The following NRXN1 variants were observed in gnomAD, a reference collection of about 807,000 sequenced individuals.
The protein encoded by NRXN1 is neurexin-1.
In NRXN1, 39 loss-of-function variants were observed where a neutral mutation model predicts 150.9. That is an observed-to-expected ratio of 0.26 (90% confidence interval 0.20 to 0.34). The LOEUF (loss-of-function observed/expected upper bound fraction) is 0.34. NRXN1 is among the 10% of genes least tolerant of loss of function. The pLI is 1.00. For synonymous variants in NRXN1, 924 were observed against 757.0 expected, an observed-to-expected ratio of 1.22 and a Z score of -3.62; for missense variants, 1,815 against 1,949.9, an observed-to-expected ratio of 0.93 and a Z score of 1.30.
intron 17 of NRXN1, among the ~76,000 whole-genome samples, chr2:50,449,388 G>A (rs1463615094): frequency 6.6e-6 from 1 of 152,190 alleles, no homozygotes; most frequent in Non-Finnish European, 1.5e-5. Context: ...CTTTCTAAGA[G>A]AAGTCTTCCC....
chr2:50,975,533 C>A (rs935118655), intron 2 of NRXN1, among the ~76,000 whole-genome samples: 1 of 152,060 alleles, frequency 6.6e-6, no homozygotes, highest in African/African-American at 2.4e-5. Context: ...TACTAGGAAA[C>A]TCCATCTAAG....
At chr2:50,733,085 C>G (rs959687114) in intron 5 of NRXN1, among the ~76,000 whole-genome samples, 3 of 152,086 alleles carry the variant, frequency 2.0e-5, no homozygotes, top group African/African-American at 7.2e-5. Flanking sequence ...ACTGAAATAT[C>G]TAATGAGGAA....
chr2:50,345,025 A>G (rs749778729), intron 17 of NRXN1, among the ~76,000 whole-genome samples: 1 of 152,220 alleles, frequency 6.6e-6, no homozygotes, highest in Non-Finnish European at 1.5e-5. Flanking sequence ...AGGGAACAAC[A>G]AGCTCCTAGA....
At chr2:50,408,003 A>G (rs1016734640) in intron 17 of NRXN1, among the ~76,000 whole-genome samples, 1 of 152,190 alleles carries the variant, frequency 6.6e-6, no homozygotes, top group Non-Finnish European at 1.5e-5. Context: ...CTAAATGTTA[A>G]ATAATGACAA....
At chr2:50,189,244 T>C (rs1392758512) in intron 18 of NRXN1, among the ~76,000 whole-genome samples, 1 of 152,148 alleles carries the variant, frequency 6.6e-6, no homozygotes, top group Non-Finnish European at 1.5e-5. Flanking sequence ...GAAACCATCA[T>C]TCTCAGGAAA....
chr2:50,577,728 A>G (rs1671651968), intron 8 of NRXN1, among the ~76,000 whole-genome samples: 1 of 151,984 alleles, frequency 6.6e-6, no homozygotes, highest in African/African-American at 2.4e-5. Flanking sequence ...ACACACACAC[A>G]CACACACACA....
intron 17 of NRXN1, 21 bp downstream of exon 17, chr2:50,465,421 C>T (rs1243910374): frequency 1.3e-6 from 2 of 1,595,034 alleles, no homozygotes; most frequent in Admixed American, 1.7e-5. Context: ...AGTATCAGTC[C>T]ATACTCAGAG....
At chr2:50,587,074 CCT>C (rs1455741855) in intron 8 of NRXN1, among the ~76,000 whole-genome samples, 1 of 152,282 alleles carries the variant, frequency 6.6e-6, no homozygotes, top group Non-Finnish European at 1.5e-5. Flanking sequence ...TACCCAGCTC[CCT>C]GACCTTGGGC....
intron 22 of NRXN1, among the ~76,000 whole-genome samples, chr2:49,924,546 A>G (rs927145677): frequency 6.6e-6 from 1 of 152,222 alleles, no homozygotes; most frequent in African/African-American, 2.4e-5. Flanking sequence ...TTGTGTTAAA[A>G]TAAGAATGAG....
At chr2:50,208,025 A>T (rs904245350) in intron 18 of NRXN1, among the ~76,000 whole-genome samples, 2 of 152,068 alleles carry the variant, frequency 1.3e-5, no homozygotes, top group Admixed American at 1.3e-4. Flanking sequence ...CCCTTCCTGG[A>T]CTTGGTGAGC....
At chr2:50,083,974 G>A (rs1241449795) in intron 19 of NRXN1, among the ~76,000 whole-genome samples, 3 of 152,144 alleles carry the variant, frequency 2.0e-5, no homozygotes, top group Non-Finnish European at 4.4e-5. Context: ...TAGATAGAGT[G>A]CCGATTGGTG....
intron 5 of NRXN1, among the ~76,000 whole-genome samples, chr2:50,809,518 T>G (rs1235993055): frequency 1.3e-5 from 2 of 152,148 alleles, no homozygotes; most frequent in Admixed American, 1.3e-4. Context: ...AATTTGAATG[T>G]CTTTCCCTTC....
chr2:50,176,855 G>C (rs780471637), intron 18 of NRXN1, among the ~76,000 whole-genome samples: 1 of 152,038 alleles, frequency 6.6e-6, no homozygotes, highest in Non-Finnish European at 1.5e-5. Context: ...AAAGTCCAGA[G>C]CTAAGACATA....
At chr2:50,068,486 T>C (rs1695707771) in intron 19 of NRXN1, among the ~76,000 whole-genome samples, 1 of 152,224 alleles carries the variant, frequency 6.6e-6, no homozygotes, top group Non-Finnish European at 1.5e-5. Flanking sequence ...AGAGAACCCT[T>C]GATGGTTAAG....
At chr2:50,136,502 G>C (rs888012003) in intron 18 of NRXN1, among the ~76,000 whole-genome samples, 1 of 152,120 alleles carries the variant, frequency 6.6e-6, no homozygotes, top group Non-Finnish European at 1.5e-5. Flanking sequence ...ATCACAGCTT[G>C]TAATATCTCA....
intron 9 of NRXN1, among the ~76,000 whole-genome samples, chr2:50,549,851 T>C (rs1667181869): frequency 6.6e-6 from 1 of 152,166 alleles, no homozygotes; most frequent in South Asian, 2.1e-4. Flanking sequence ...AATAATTTTG[T>C]TCTCTGTGAG....
At chr2:50,628,927 A>G (rs1471952731) in intron 5 of NRXN1, among the ~76,000 whole-genome samples, 1 of 151,646 alleles carries the variant, frequency 6.6e-6, no homozygotes, top group Non-Finnish European at 1.5e-5. Context: ...ATGCAAAGTA[A>G]ACCATAATGA....
At chr2:50,190,757 C>G (rs575723513) in intron 18 of NRXN1, among the ~76,000 whole-genome samples, 22 of 151,774 alleles carry the variant, frequency 1.4e-4, no homozygotes, top group African/African-American at 5.3e-4. Context: ...GGATTACAGG[C>G]ATGCGCCACC....
chr2:50,367,404 T>G (rs1487803897), intron 17 of NRXN1, among the ~76,000 whole-genome samples: 7 of 152,036 alleles, frequency 4.6e-5, no homozygotes, highest in Non-Finnish European at 1.5e-5. Flanking sequence ...CAACTACATG[T>G]GAGTAAGTGC....
Sources: allele counts gnomAD v4.1 joint callset (sites outside exome capture counted in the v4.1 genomes callset), GRCh38; gene constraint gnomAD v4.1.1; transcripts MANE v1.5; gene names NCBI Gene and HGNC (gene_info 2026-07-23, HGNC 2026-07-21).